PRKG1: variants seen among roughly 807,000 people sequenced by gnomAD.
PRKG1 encodes the protein protein kinase cGMP-dependent 1, also known as cGMP-dependent protein kinase 1.
PRKG1 carries 35 observed loss-of-function variants against 88.1 expected under a neutral mutation model. That is an observed-to-expected ratio of 0.40 (90% CI 0.30 to 0.53). The LOEUF (loss-of-function observed/expected upper bound fraction) is 0.53, where lower values mean the gene tolerates loss of function less well. Among genes scored for constraint, PRKG1 ranks in the 20% least tolerant of loss-of-function variants. The pLI is 0.59. For synonymous variants in PRKG1, 303 were observed against 292.5 expected, an observed-to-expected ratio of 1.04 and a Z score of -0.37; for missense variants, 540 against 839.8, an observed-to-expected ratio of 0.64 and a Z score of 4.41.
intron 1 of PRKG1, among the ~76,000 whole-genome samples, chr10:51,133,325 C>A (rs1209849726): frequency 2.0e-5 from 3 of 152,136 alleles, no homozygotes; most frequent in African/African-American, 2.4e-5. Context: ...AGCAGGGTAC[C>A]TTTTCTCTCC....
intron 10 of PRKG1, among the ~76,000 whole-genome samples, chr10:52,263,603 G>T (rs1380377972): frequency 6.7e-6 from 1 of 150,052 alleles, no homozygotes. Flanking sequence ...TTGAGACAGG[G>T]TCTTGCTCTG....
At chr10:51,446,372 G>A (rs1839273009) in intron 2 of PRKG1, among the ~76,000 whole-genome samples, 1 of 151,728 alleles carries the variant, frequency 6.6e-6, no homozygotes, top group Non-Finnish European at 1.5e-5. Flanking sequence ...TTTTTACTCT[G>A]GCTTTCCTGA....
chr10:51,307,445 C>G (rs1257362037), intron 2 of PRKG1, among the ~76,000 whole-genome samples: 1 of 152,154 alleles, frequency 6.6e-6, no homozygotes, highest in East Asian at 1.9e-4. Flanking sequence ...CTACTAAACA[C>G]TCTGTTTTAT....
intron 5 of PRKG1, among the ~76,000 whole-genome samples, chr10:52,020,741 C>T (rs763558812): frequency 3.9e-5 from 6 of 152,098 alleles, no homozygotes; most frequent in Non-Finnish European, 8.8e-5. Flanking sequence ...GTACAATGCC[C>T]ATCTGGGGCT....
At chr10:51,650,893 A>G (rs918370170) in intron 3 of PRKG1, among the ~76,000 whole-genome samples, 7 of 152,092 alleles carry the variant, frequency 4.6e-5, no homozygotes, top group African/African-American at 1.4e-4. Flanking sequence ...AATCACTGGT[A>G]CCTGTGATCT....
chr10:51,762,429 T>C (rs1174031730), intron 3 of PRKG1, among the ~76,000 whole-genome samples: 1 of 152,168 alleles, frequency 6.6e-6, no homozygotes, highest in Non-Finnish European at 1.5e-5. Context: ...CACAGGTGTA[T>C]TATAAAACAT....
At chr10:51,166,466 C>T (rs141870810) in intron 2 of PRKG1, among the ~76,000 whole-genome samples, 78 of 151,964 alleles carry the variant, frequency 5.1e-4, no homozygotes, top group Middle Eastern at 3.4e-3. Flanking sequence ...TGATTAATAG[C>T]GATAACTATA....
rs538388861 is a variant in PRKG1 at position 51,636,578 on chromosome 10, C to T, written c.593-168007C>T. The stretch of plus-strand genomic sequence containing the variant: ...TACTTAATTAACTAGTGGTTCTAGG[C>T]CACCCTAAGAGCTTGAAGTGATTTG... On this transcript the variant is annotated intron_variant, in intron 3 of 17. Coordinates refer to ENST00000373980, the MANE Select transcript of PRKG1 (RefSeq NM_006258.4). 1.6e-4 allele frequency among the ~76,000 whole-genome samples: 25 copies of T among 152,204 alleles called. 1 individual carries two copies. The South Asian group carries it at 5.0e-3, about 30-fold the overall frequency.
chr10:51,981,985 A>G lies in PRKG1; in HGVS notation c.763-72499A>G, dbSNP rs919909070. 2.0e-5 allele frequency among the ~76,000 whole-genome samples: 3 copies of G among 152,164 alleles called. No homozygotes were observed. In the East Asian group the frequency reaches 5.8e-4, roughly 29 times the overall value. On this transcript the variant is annotated intron_variant, in intron 5 of 17. Transcript: ENST00000373980. ...GGATTTGGTCTCTTTCCATGATCTCATATATCTTAGAGGTTTTATTCATTC... is the reference window on the plus strand; with the variant it reads ...GGATTTGGTCTCTTTCCATGATCTCGTATATCTTAGAGGTTTTATTCATTC...
chr10:51,109,825 G>C (rs1844940073), intron 1 of PRKG1, among the ~76,000 whole-genome samples: 1 of 151,982 alleles, frequency 6.6e-6, no homozygotes, highest in Non-Finnish European at 1.5e-5. Flanking sequence ...CTGGGATAAT[G>C]TTTTGGAAAT....
chr10:51,135,393 G>A (rs1298001187), intron 1 of PRKG1, among the ~76,000 whole-genome samples: 1 of 152,148 alleles, frequency 6.6e-6, no homozygotes, highest in African/African-American at 2.4e-5. Flanking sequence ...AATGGGGCAC[G>A]GAGTAGACTA....
intron 3 of PRKG1, among the ~76,000 whole-genome samples, chr10:51,793,023 T>C (rs1161605480): frequency 6.7e-6 from 1 of 149,950 alleles, no homozygotes; most frequent in Non-Finnish European, 1.5e-5. Context: ...CAGAGAATCA[T>C]GGCATTATTA....
At chr10:51,552,621 A>G (rs957235557) in intron 3 of PRKG1, among the ~76,000 whole-genome samples, 1 of 151,650 alleles carries the variant, frequency 6.6e-6, no homozygotes, top group African/African-American at 2.4e-5. Context: ...ACTCTCCCCC[A>G]TTTAATGTGA....
At chr10:51,634,243 A>G (rs1190082851) in intron 3 of PRKG1, among the ~76,000 whole-genome samples, 1 of 152,168 alleles carries the variant, frequency 6.6e-6, no homozygotes, top group Non-Finnish European at 1.5e-5. Flanking sequence ...ATTTTTATAG[A>G]AAAAGAAGAG....
At chr10:52,105,341 C>A (rs1199733763) in intron 7 of PRKG1, among the ~76,000 whole-genome samples, 1 of 152,078 alleles carries the variant, frequency 6.6e-6, no homozygotes, top group Non-Finnish European at 1.5e-5. Flanking sequence ...ACAGTTGGTT[C>A]TTTGTAAACA....
intron 10 of PRKG1, among the ~76,000 whole-genome samples, chr10:52,255,179 A>G (rs1354715821): frequency 6.6e-6 from 1 of 152,104 alleles, no homozygotes; most frequent in African/African-American, 2.4e-5. Flanking sequence ...TGACTTATTA[A>G]TTAAAGCTCT....
chr10:51,429,142 A>C (rs1838684309), intron 2 of PRKG1, among the ~76,000 whole-genome samples: 1 of 152,228 alleles, frequency 6.6e-6, no homozygotes, highest in Non-Finnish European at 1.5e-5. Flanking sequence ...GTAAGAGCTT[A>C]TTGGCTCAAC....
At chr10:52,044,274 T>C (rs536415275) in intron 5 of PRKG1, among the ~76,000 whole-genome samples, 5 of 152,234 alleles carry the variant, frequency 3.3e-5, no homozygotes, top group Admixed American at 3.3e-4. Context: ...TTTGTCATAA[T>C]GTGGGAAAGG....
At chr10:51,791,337 T>C (rs987240367) in intron 3 of PRKG1, among the ~76,000 whole-genome samples, 1 of 152,168 alleles carries the variant, frequency 6.6e-6, no homozygotes, top group Non-Finnish European at 1.5e-5. Context: ...CAAAAATGCC[T>C]ATAAAATGTT....
Sources: gnomAD v4.1 joint callset for allele counts (sites outside exome capture counted in the v4.1 genomes callset) on GRCh38, gnomAD v4.1.1 for gene constraint, MANE v1.5 for transcripts, NCBI Gene and HGNC (gene_info 2026-07-23, HGNC 2026-07-21) for gene names.